The following RAD54L2 variants were observed in gnomAD, a reference collection of about 807,000 sequenced individuals.
RAD54L2 encodes the protein helicase ARIP4.
In RAD54L2, 27 loss-of-function variants were observed where a neutral mutation model predicts 138.4. The observed-to-expected ratio is 0.20, with a 90% CI of 0.14 to 0.27. The LOEUF (loss-of-function observed/expected upper bound fraction) is 0.27, where lower values mean the gene tolerates loss of function less well. Among genes scored for constraint, RAD54L2 ranks in the 10% least tolerant of loss-of-function variants. The probability of loss-of-function intolerance (pLI) is 1.00; values close to 1 mark genes in which losing one functional copy is unlikely to be tolerated. For missense variants in RAD54L2, 1,396 were observed against 1,890.2 expected (o/e 0.74, Z 4.85); for synonymous variants, 644 against 723.2 (o/e 0.89, Z 1.76).
intron 2 of RAD54L2, among the ~76,000 whole-genome samples, chr3:51,561,431 A>G (rs184805450): frequency 2.4e-4 from 37 of 152,190 alleles, no homozygotes; most frequent in Admixed American, 8.5e-4. Flanking sequence ...TTTTTAGTAG[A>G]GACGGGTTTC....
At chr3:51,634,105 AGT>A (rs1700917326) in intron 9 of RAD54L2, 70 bp downstream of exon 9, 7 of 1,534,226 alleles carry the variant, frequency 4.6e-6, no homozygotes, top group Admixed American at 3.7e-5. Context: ...ATGTTAAGGC[AGT>A]CTCTTTGAGT....
In RAD54L2 at chr3:51,641,741, T is replaced by C. The variant is rs2106818773; in HGVS notation, c.2232-8T>C. ...GGAGCCATCTGAACGAAATGTTTTC[T>C]GTTTCAGCCAGAGTCTTTCCACCTT... On this transcript the variant is annotated splice_region_variant and splice_polypyrimidine_tract_variant and intron_variant, in intron 14 of 22. Coordinates refer to ENST00000684192, the MANE Select transcript of RAD54L2 (RefSeq NM_015106.4). 1.9e-6 allele frequency: 3 copies of C among 1,548,652 alleles called. No homozygotes were observed. Among genetic ancestry groups the C allele is most frequent in the Non-Finnish European group, 2.6e-6 (3 of 1,137,528 alleles).
intron 3 of RAD54L2, among the ~76,000 whole-genome samples, chr3:51,592,951 C>T (rs1368448789): frequency 1.3e-5 from 2 of 152,194 alleles, no homozygotes; most frequent in African/African-American, 4.8e-5. Flanking sequence ...TTTCTTTAGT[C>T]TTGTCCTTGC....
At chr3:51,600,895 A>G (rs575690690) in intron 3 of RAD54L2, among the ~76,000 whole-genome samples, 2 of 152,114 alleles carry the variant, frequency 1.3e-5, no homozygotes, top group Non-Finnish European at 2.9e-5. Context: ...TGAACCCAGG[A>G]GGCGGAGGTT....
intron 20 of RAD54L2, among the ~76,000 whole-genome samples, chr3:51,656,867 C>T (rs1376853416): frequency 6.6e-6 from 1 of 151,980 alleles, no homozygotes; most frequent in Admixed American, 6.6e-5. Context: ...TCCCGAGTTG[C>T]TGGAATTACA....
intron 2 of RAD54L2, among the ~76,000 whole-genome samples, chr3:51,578,115 T>C (rs1699520181): frequency 6.6e-6 from 1 of 151,974 alleles, no homozygotes; most frequent in African/African-American, 2.4e-5. Context: ...TAGGCCCTTG[T>C]AGCTATTTTT....
intron 2 of RAD54L2, among the ~76,000 whole-genome samples, chr3:51,569,033 A>G (rs1337154748): frequency 6.6e-6 from 1 of 152,178 alleles, no homozygotes; most frequent in Non-Finnish European, 1.5e-5. Flanking sequence ...TTATGTAGGT[A>G]GAGACAGAGA....
chr3:51,599,930 T>TAA (rs1700045284), intron 3 of RAD54L2, among the ~76,000 whole-genome samples: 1 of 151,090 alleles, frequency 6.6e-6, no homozygotes, highest in African/African-American at 2.4e-5. Context: ...AAGTAACTTT[T>TAA]TTATTTTTTA....
intron 3 of RAD54L2, among the ~76,000 whole-genome samples, chr3:51,618,331 G>GA: frequency 6.6e-6 from 1 of 152,178 alleles, no homozygotes; most frequent in South Asian, 2.1e-4. Flanking sequence ...TTGAGGAGCA[G>GA]AGGTTTTAAA....
chr3:51,546,583 T>C (rs898713625), intron 2 of RAD54L2, among the ~76,000 whole-genome samples: 1 of 151,866 alleles, frequency 6.6e-6, no homozygotes, highest in Non-Finnish European at 1.5e-5. Context: ...GAGGTTGTGG[T>C]GAGCCGAGAT....
chr3:51,624,240 T>G (rs532118658), intron 3 of RAD54L2, among the ~76,000 whole-genome samples: 1 of 149,532 alleles, frequency 6.7e-6, no homozygotes, highest in Non-Finnish European at 1.5e-5. Flanking sequence ...TGGTTTTTTT[T>G]TTTTTTTTTT....
At chr3:51,543,175 G>GA (rs1165373006) in intron 2 of RAD54L2, among the ~76,000 whole-genome samples, 48 of 143,678 alleles carry the variant, frequency 3.3e-4, no homozygotes, top group Non-Finnish European at 5.4e-4. Context: ...AATAAGACAG[G>GA]AAAAAAAAAA....
chr3:51,542,072 AC>A (rs1364137488), intron 2 of RAD54L2, among the ~76,000 whole-genome samples: 2 of 152,248 alleles, frequency 1.3e-5, no homozygotes, highest in African/African-American at 4.8e-5. Context: ...AATGTCTGGT[AC>A]AATGGGAAGA....
At chr3:51,618,848 G>A (rs1397673878) in intron 3 of RAD54L2, among the ~76,000 whole-genome samples, 1 of 152,158 alleles carries the variant, frequency 6.6e-6, no homozygotes, top group East Asian at 1.9e-4. Context: ...TGGTTTTCTA[G>A]AGTTGACCTT....
intron 9 of RAD54L2, among the ~76,000 whole-genome samples, chr3:51,634,358 ATTTTT>A (rs61565460): frequency 2.1e-5 from 2 of 94,926 alleles, no homozygotes; most frequent in Non-Finnish European, 4.1e-5. Context: ...CCACTGTCTG[ATTTTT>A]TTTTTTTTTT....
chr3:51,612,455 C>G (rs1161587011), intron 3 of RAD54L2, among the ~76,000 whole-genome samples: 1 of 152,112 alleles, frequency 6.6e-6, no homozygotes, highest in Admixed American at 6.6e-5. Flanking sequence ...GAGCAAGACT[C>G]TGTCTCAAAA....
At position 51,637,099 on chromosome 3, in the gene RAD54L2, C is replaced by A; in HGVS notation, c.1340-62C>A. Reference sequence around the variant, plus strand: ...TCCTCCAGGGTGCACCCCTACTTCTCATATTATTGACTAAGAGCAGGCCCT... The same window carrying A: ...TCCTCCAGGGTGCACCCCTACTTCTAATATTATTGACTAAGAGCAGGCCCT... On this transcript the variant is annotated intron_variant, in intron 10 of 22. Transcript: ENST00000684192. This position sits in a 1 kb window ranked among gnomAD's most constrained non-coding sequence, Gnocchi z 5.9. 1 of 1,402,324 alleles carries A rather than the reference C, an allele frequency of 7.1e-7. No individual in the cohort carries two copies. The highest frequency in any genetic ancestry group is 1.2e-5 in the South Asian group (1 of 80,946). 86.9% of individuals were successfully genotyped at this position (1,402,324 alleles called of 1,614,324 possible). A position where few individuals can be genotyped will look rare whatever the true frequency, so the allele number is the denominator to read the frequency against.
chr3:51,543,964 G>A (rs938002058), intron 2 of RAD54L2, among the ~76,000 whole-genome samples: 3 of 152,134 alleles, frequency 2.0e-5, no homozygotes, highest in African/African-American at 4.8e-5. Context: ...TGACATTGGA[G>A]TCTGTGCAAG....
intron 7 of RAD54L2, among the ~76,000 whole-genome samples, chr3:51,631,650 T>C (rs1348508021): frequency 6.6e-6 from 1 of 150,832 alleles, no homozygotes; most frequent in Non-Finnish European, 1.5e-5. Flanking sequence ...GGCTGAAAAC[T>C]CTTTGTTTTT....
Sources: gnomAD v4.1 joint callset for allele counts (sites outside exome capture counted in the v4.1 genomes callset) on GRCh38, gnomAD v4.1.1 for gene constraint, Gnocchi (gnomAD v3.1) non-coding constraint, MANE v1.5 for transcripts, NCBI Gene and HGNC (gene_info 2026-07-23, HGNC 2026-07-21) for gene names.